APLP1: variants seen among roughly 807,000 people sequenced by gnomAD.
APLP1 encodes the protein amyloid beta precursor like protein 1, also known as amyloid beta (A4) precursor-like protein 1.
Under a neutral mutation model 84.5 loss-of-function variants are expected in APLP1, and 46 were observed. That is an observed-to-expected ratio of 0.54 (90% CI 0.43 to 0.70). APLP1 has a LOEUF of 0.70. Ranked by LOEUF, APLP1 falls within the 30% of genes least tolerant of loss-of-function variation. The pLI is 0.00. For synonymous variants in APLP1, 376 were observed against 364.0 expected, an observed-to-expected ratio of 1.03 and a Z score of -0.38; for missense variants, 826 against 900.2, an observed-to-expected ratio of 0.92 and a Z score of 1.05.
At chr19:35,876,391 C>T (rs1338350180) in intron 10 of APLP1, 126 bp from the exon 11 acceptor site, 2 of 781,564 alleles carry the variant, frequency 2.6e-6, no homozygotes, top group Admixed American at 4.0e-5. Flanking sequence ...CCTTGTACCA[C>T]ACATCCTGTC....
At chr19:35,872,371 TA>T in intron 6 of APLP1, 111 bp from the exon 7 acceptor site, 1 of 1,448,936 alleles carries the variant, frequency 6.9e-7, no homozygotes, top group Non-Finnish European at 9.3e-7. Context: ...CAGCGGTGGC[TA>T]AACTGGGTGC....
intron 7 of APLP1, 104 bp downstream of exon 7, chr19:35,872,717 C>T (rs1386687301): frequency 7.5e-7 from 1 of 1,338,356 alleles, no homozygotes. Flanking sequence ...GCTCCCTAAG[C>T]CCCTTTGACC....
intron 7 of APLP1, among the ~76,000 whole-genome samples, chr19:35,873,364 C>A (rs1221939739): frequency 1.3e-5 from 2 of 151,764 alleles, no homozygotes; most frequent in Non-Finnish European, 2.9e-5. Flanking sequence ...TCTCCTGCCT[C>A]AGCCTCCCGA....
At position 35,878,093 on chromosome 19, in the gene APLP1, A is replaced by T. The variant is rs1314827245; in HGVS notation, c.1564A>T (p.Met522Leu). ...CCTCTGGCTGCCAGCAGACACCCCC[A>T]TGACCCTTCCAAAAGGTGAGTGTCT... Reference protein sequence around the residue: ...PPDSKDADTPMTLPKGSTEQD... With the variant: ...PPDSKDADTPLTLPKGSTEQD... Residue 522 changes from methionine to leucine, a missense_variant, in exon 13 of 17, where the codon ATG becomes TTG. Physicochemically the swap from Met to Leu is conservative, Grantham distance 15 (BLOSUM62 2). Transcript: ENST00000221891. The T allele has an allele frequency of 1.9e-6, 3 of 1,613,014 alleles. No homozygotes were observed. The Admixed American group carries it at 5.0e-5, about 27-fold the overall frequency.
intron 6 of APLP1, 106 bp from the exon 7 acceptor site, chr19:35,872,376 TG>T: frequency 6.9e-7 from 1 of 1,457,066 alleles, no homozygotes. Context: ...GTGGCTAAAC[TG>T]GGTGCATGAT....
chr19:35,879,010 T>C, intron 15 of APLP1, 58 bp downstream of exon 15: 1 of 1,613,618 alleles, frequency 6.2e-7, no homozygotes, highest in Non-Finnish European at 8.5e-7. Flanking sequence ...GCGGCCAGGC[T>C]GTGATTCCCA....
chr19:35,869,735 C>T lies in APLP1; in HGVS notation c.216C>T (p.Gly72=). The T allele has an allele frequency of 6.2e-7, 1 of 1,610,756 alleles. No homozygotes were observed. Among genetic ancestry groups the T allele is most frequent in the Non-Finnish European group, 8.5e-7 (1 of 1,179,230 alleles). The change falls in exon 2 of 17, where the codon GGC becomes GGT. Residue 72 remains glycine, a synonymous_variant. Transcript: ENST00000221891. ...CCCTTCACCGGGACCTGCGCACCGG[C>T]CGCTGGGAACCAGACCCACAGCGCT... ...RLTLHRDLRT[G]RWEPDPQRSR...
intron 16 of APLP1, 44 bp from the exon 17 acceptor site, chr19:35,879,299 C>T (rs767271945): frequency 1.2e-6 from 2 of 1,610,458 alleles, no homozygotes; most frequent in East Asian, 2.2e-5. Context: ...CGGGCAGTCC[C>T]GCCCCCGCAC....
At position 35,874,667 on chromosome 19, in the gene APLP1, G is replaced by A. The variant is rs569718969; in HGVS notation, c.1215+5G>A. 17 of 1,613,338 alleles carry A rather than the reference G, an allele frequency of 1.1e-5. No individual in the cohort carries two copies. Among genetic ancestry groups the A allele is most frequent in the East Asian group, 4.5e-5 (2 of 44,880 alleles). ...CTGCAGGCAGATCCGCCTCAGGTGC[G>A]GGGACCGTGGGGGCAGAGAGCAGAG... On this transcript the variant is annotated splice_donor_5th_base_variant and intron_variant, in intron 9 of 16. Transcript: ENST00000221891. The surrounding 1 kb of genome is among the most constrained non-coding windows in gnomAD (Gnocchi z 6.4).
chr19:35,873,674 C>T lies in APLP1; in HGVS notation c.1017C>T (p.Ser339=), dbSNP rs138515969. The change falls in exon 8 of 17, where the codon TCC becomes TCT. Residue 339 remains serine (S), a synonymous_variant. Transcript: ENST00000221891. ...MREWAMADNQ[S]KNLPKADRQA... is the part of the protein sequence containing the mutation. Reference sequence around the variant, plus strand: ...AATGGGCCATGGCAGACAACCAGTCCAAGAACCTGCCTAAAGCCGACAGAC... The same window carrying T: ...AATGGGCCATGGCAGACAACCAGTCTAAGAACCTGCCTAAAGCCGACAGAC... 4.5e-5 allele frequency: 72 copies of T among 1,613,980 alleles called. No homozygotes were observed. The highest frequency in any genetic ancestry group is 5.9e-5 in the Non-Finnish European group (70 of 1,180,016).
Position 35,879,112 on chromosome 19 carries a change from G to A in APLP1, c.1752G>A (p.Ser584=). 1.9e-6 allele frequency: 3 copies of A among 1,612,110 alleles called. No homozygotes were observed. The highest frequency in any genetic ancestry group is 2.5e-6 in the Non-Finnish European group (3 of 1,179,984). The change falls in exon 16 of 17, where the codon TCG becomes TCA. Residue 584 remains serine (S), a synonymous_variant. Transcript: ENST00000221891. ...CAGGGGTGTCCCGTGAGGCTGTGTC[G>A]GGTCTGCTGATCATGGGAGCGGGCG... ...AGTGVSREAV[S]GLLIMGAGGG...
At chr19:35,873,245 C>CTTTTT (rs74172771) in intron 7 of APLP1, among the ~76,000 whole-genome samples, 1 of 125,820 alleles carries the variant, frequency 7.9e-6, no homozygotes, top group East Asian at 2.4e-4. Context: ...GCCTTTAAAT[C>CTTTTT]TTTTTTTTTT....
At chr19:35,876,288 C>T (rs999438741) in intron 10 of APLP1, among the ~76,000 whole-genome samples, 10 of 152,170 alleles carry the variant, frequency 6.6e-5, no homozygotes, top group African/African-American at 1.9e-4. Context: ...CCCTCCAATC[C>T]TCAATCTCTG....
Position 35,879,214 on chromosome 19 carries a change from G to A in APLP1, c.1854G>A (p.Val618=), listed in dbSNP as rs1229562918. The change falls in exon 16 of 17, where the codon GTG becomes GTA. Residue 618 remains valine (V), a synonymous_variant. Transcript: ENST00000221891. ...KPYGAISHGV[V]EVDPMLTLEE... ...ACGGGGCTATCAGCCATGGCGTGGT[G>A]GAGGTGAGAACCATGGCGTGGTGGA... 1 of 1,612,532 alleles carries A rather than the reference G, an allele frequency of 6.2e-7. No individual in the cohort carries two copies. Among genetic ancestry groups the A allele is most frequent in the Non-Finnish European group, 8.5e-7 (1 of 1,179,670 alleles).
Position 35,879,138 on chromosome 19 carries a change from G to C in APLP1, c.1778G>C (p.Gly593Ala). Reference protein sequence around the residue: ...VSGLLIMGAGGGSLIVLSMLL... With the variant: ...VSGLLIMGAGAGSLIVLSMLL... ...GGTCTGCTGATCATGGGAGCGGGCG[G>C]AGGCTCCCTCATCGTCCTCTCCATG... The change falls in exon 16 of 17, where the codon GGA becomes GCA. Residue 593 changes from glycine (G) to alanine (A), a missense_variant. Around this residue, in one of 3 missense-constraint regions of APLP1, gnomAD observed 433 missense variants for 496.5 expected, o/e 0.87. Transcript: ENST00000221891. The C allele has an allele frequency of 1.2e-6, 2 of 1,612,450 alleles. No homozygotes were observed. Among genetic ancestry groups the C allele is most frequent in the Non-Finnish European group, 1.7e-6 (2 of 1,179,994 alleles).
At chr19:35,871,388 C>G in intron 4 of APLP1, 39 bp downstream of exon 4, 1 of 1,550,852 alleles carries the variant, frequency 6.4e-7, no homozygotes, top group Non-Finnish European at 8.8e-7. Context: ...CCCCCACAAC[C>G]CAGGAACTGG....
At chr19:35,875,370 G>A (rs1568476747) in intron 10 of APLP1, among the ~76,000 whole-genome samples, 1 of 147,682 alleles carries the variant, frequency 6.8e-6, no homozygotes, top group Non-Finnish European at 1.5e-5. Flanking sequence ...CTGTTTCCCA[G>A]GCTGGAGTGC....
chr19:35,874,834 G>T lies in APLP1; in HGVS notation c.1309G>T (p.Val437Leu), dbSNP rs35358477. Residue 437 changes from valine to leucine, a missense_variant, in exon 10 of 17, where the codon GTG becomes TTG. Val to Leu is a conservative substitution (Grantham distance 32). This residue lies in a region of APLP1 where 433 missense variants were observed against 496.5 expected (regional missense o/e 0.87). Transcript: ENST00000221891. This position sits in a 1 kb window ranked among gnomAD's most constrained non-coding sequence, Gnocchi z 6.4. ...TLRHYQHVAAVDPEKAQQMRF... is the reference protein window; with the variant it reads ...TLRHYQHVAALDPEKAQQMRF... Reference sequence around the variant, plus strand: ...GCGCCACTACCAGCATGTGGCCGCCGTGGATCCCGAGAAGGCACAGCAGAT... The same window carrying T: ...GCGCCACTACCAGCATGTGGCCGCCTTGGATCCCGAGAAGGCACAGCAGAT... The T allele has an allele frequency of 6.2e-7, 1 of 1,611,176 alleles. No individual in the cohort carries two copies.
intron 2 of APLP1, 74 bp from the exon 3 acceptor site, chr19:35,870,822 G>A (rs1974123293): frequency 6.6e-7 from 1 of 1,518,236 alleles, no homozygotes; most frequent in Non-Finnish European, 8.8e-7. Flanking sequence ...AAGAGAAAAG[G>A]GACCTGACTA....
Sources: allele counts gnomAD v4.1 joint callset (sites outside exome capture counted in the v4.1 genomes callset), GRCh38; gene constraint gnomAD v4.1.1; regional missense constraint gnomAD v4.1.1; non-coding constraint Gnocchi (gnomAD v3.1); transcripts MANE v1.5; gene names NCBI Gene and HGNC (gene_info 2026-07-23, HGNC 2026-07-21).